Variants in MAP7 observed in about 807,000 individuals in gnomAD.
The protein encoded by MAP7 is ensconsin.
MAP7 carries 52 observed loss-of-function variants against 94.8 expected under a neutral mutation model. The ratio of observed to expected loss-of-function variants is 0.55; its 90% confidence interval spans 0.44 to 0.69. The LOEUF (loss-of-function observed/expected upper bound fraction) is 0.69. MAP7 is among the 30% of genes least tolerant of loss of function. The pLI, the probability that MAP7 is intolerant of heterozygous loss-of-function variation, is 0.00. For synonymous variants in MAP7, 350 were observed against 357.0 expected (o/e 0.98, Z 0.22); for missense variants, 940 against 964.6 (o/e 0.97, Z 0.34).
intron 16 of MAP7, among the ~76,000 whole-genome samples, chr6:136,349,822 C>T (rs1225308598): frequency 6.6e-6 from 1 of 152,056 alleles, no homozygotes; most frequent in Non-Finnish European, 1.5e-5. Flanking sequence ...CCAGGCGTCT[C>T]ACTCAGGAGT....
intron 16 of MAP7, among the ~76,000 whole-genome samples, chr6:136,353,020 G>A (rs1013082723): frequency 4.6e-5 from 7 of 152,184 alleles, no homozygotes; most frequent in Non-Finnish European, 4.4e-5. Context: ...ATCACAAACT[G>A]TGTGTCATAT....
chr6:136,482,951 T>C (rs1813370184), intron 1 of MAP7, among the ~76,000 whole-genome samples: 1 of 151,986 alleles, frequency 6.6e-6, no homozygotes, highest in South Asian at 2.1e-4. Flanking sequence ...GTATGCAGTG[T>C]CTATTTGATC....
Position 136,421,760 on chromosome 6 carries a change from G to C in MAP7, c.107C>G (p.Ser36Cys). 1 of 1,613,954 alleles carries C rather than the reference G, an allele frequency of 6.2e-7. No individual in the cohort carries two copies. Among genetic ancestry groups the C allele is most frequent in the Non-Finnish European group, 8.5e-7 (1 of 1,179,958 alleles). Residue 36 changes from serine to cysteine, a missense_variant, in exon 2 of 18, where the codon TCC becomes TGC. Transcript: ENST00000354570. ...TGAAATTGCAGAGGCAGGGCGGCTG[G>C]AGGCATTTTTCTTATCTTGCACTTT... The part of the protein sequence containing the change: ...SYKVQDKKNA[S>C]SRPASAISGQ...
chr6:136,464,794 C>G (rs567957923), intron 1 of MAP7, among the ~76,000 whole-genome samples: 1 of 152,320 alleles, frequency 6.6e-6, no homozygotes, highest in East Asian at 1.9e-4. Context: ...TAAGTGCCTA[C>G]TGGTTGCCAG....
At chr6:136,375,393 T>C (rs1775797741) in intron 7 of MAP7, among the ~76,000 whole-genome samples, 1 of 152,196 alleles carries the variant, frequency 6.6e-6, no homozygotes, top group African/African-American at 2.4e-5. Flanking sequence ...GCAGGGAGTT[T>C]GCAATCACTC....
At chr6:136,482,435 C>T (rs1813140627) in intron 1 of MAP7, among the ~76,000 whole-genome samples, 1 of 152,180 alleles carries the variant, frequency 6.6e-6, no homozygotes, top group Non-Finnish European at 1.5e-5. Flanking sequence ...CCCGTCTCTA[C>T]TAAAAATACA....
Position 136,456,822 on chromosome 6 carries a change from G to GAAGAAAGAA in MAP7, c.68-35024_68-35023insTTCTTTCTT, listed in dbSNP as rs1554259490. ...AGAAGAAGAAGAAGAAGAAGAAGAA[G>GAAGAAAGAA]GAAGAAGAAGAAGAAGAAGAAGAAG... On this transcript the variant is annotated intron_variant, in intron 1 of 17. Transcript: ENST00000354570. Among the ~76,000 whole-genome samples, 2 of 69,024 alleles carry GAAGAAAGAA rather than the reference G, an allele frequency of 2.9e-5. 1 individual carries two copies. The highest frequency in any genetic ancestry group is 5.3e-5 in the Non-Finnish European group (2 of 38,030). 45.3% of individuals were successfully genotyped at this position (69,024 alleles called of 152,430 possible).
chr6:136,464,036 A>T (rs1806115112), intron 1 of MAP7, among the ~76,000 whole-genome samples: 1 of 152,204 alleles, frequency 6.6e-6, no homozygotes, highest in Non-Finnish European at 1.5e-5. Context: ...GGCTGAGCAG[A>T]ACGTTGGCCT....
chr6:136,448,587 G>A (rs1051320101), intron 1 of MAP7, among the ~76,000 whole-genome samples: 3 of 151,856 alleles, frequency 2.0e-5, no homozygotes, highest in Non-Finnish European at 2.9e-5. Flanking sequence ...GTTAATTTTT[G>A]TATTTTTACT....
At chr6:136,413,496 C>G (rs1788172797) in intron 2 of MAP7, among the ~76,000 whole-genome samples, 1 of 151,050 alleles carries the variant, frequency 6.6e-6, no homozygotes, top group African/African-American at 2.4e-5. Flanking sequence ...TGCACTCCAG[C>G]CTGGGAGACA....
intron 1 of MAP7, among the ~76,000 whole-genome samples, chr6:136,472,535 CT>C (rs985796406): frequency 6.6e-6 from 1 of 152,058 alleles, no homozygotes; most frequent in African/African-American, 2.4e-5. Flanking sequence ...TTGATGTTTC[CT>C]TTTTGGTATA....
In MAP7 at chr6:136,449,017, A is replaced by AG. The variant is rs1254785326; in HGVS notation, c.68-27219_68-27218insC. Among the ~76,000 whole-genome samples the AG allele has an allele frequency of 9.6e-3, 956 of 100,076 alleles. 10 individuals are homozygous for AG. The highest frequency in any genetic ancestry group is 0.031 in the African/African-American group (879 of 27,954). 65.7% of individuals were successfully genotyped at this position (100,076 alleles called of 152,430 possible). On this transcript the variant is annotated intron_variant, in intron 1 of 17. Coordinates refer to ENST00000354570, the MANE Select transcript of MAP7 (RefSeq NM_003980.6). ...ACAGTGGTGTTAAAAAAAAAAAAAA[A>AG]AAAGAAGCAAGCCAGGCACAGTGGC...
intron 6 of MAP7, among the ~76,000 whole-genome samples, chr6:136,381,388 AG>A (rs1315315852): frequency 6.6e-6 from 1 of 152,016 alleles, no homozygotes; most frequent in African/African-American, 2.4e-5. Context: ...GATGGTGCCC[AG>A]GCTGGTCTCA....
At chr6:136,406,041 A>G (rs1785491322) in intron 3 of MAP7, among the ~76,000 whole-genome samples, 1 of 152,204 alleles carries the variant, frequency 6.6e-6, no homozygotes, top group Admixed American at 6.5e-5. Context: ...AATACATAAA[A>G]TCACACAAAA....
intron 1 of MAP7, among the ~76,000 whole-genome samples, chr6:136,502,606 C>G (rs893012470): frequency 1.3e-5 from 2 of 152,150 alleles, no homozygotes; most frequent in Non-Finnish European, 2.9e-5. Flanking sequence ...GTGAGCACAT[C>G]AGATACCCCT....
intron 6 of MAP7, among the ~76,000 whole-genome samples, chr6:136,380,814 C>T (rs1043801266): frequency 1.3e-5 from 2 of 152,210 alleles, no homozygotes; most frequent in South Asian, 2.1e-4. Flanking sequence ...GGCACAGACA[C>T]TACACTAATG....
chr6:136,426,959 TA>T, intron 1 of MAP7, among the ~76,000 whole-genome samples: 1 of 152,116 alleles, frequency 6.6e-6, no homozygotes, highest in African/African-American at 2.4e-5. Flanking sequence ...AAGAAAACAA[TA>T]AAAGGAAATC....
chr6:136,452,698 G>C (rs778401002), intron 1 of MAP7, among the ~76,000 whole-genome samples: 21 of 151,992 alleles, frequency 1.4e-4, no homozygotes, highest in Non-Finnish European at 2.5e-4. Context: ...GATTACAGGT[G>C]CACACCACCA....
At chr6:136,389,330 T>C in intron 4 of MAP7, 24 bp downstream of exon 4, 1 of 1,519,522 alleles carries the variant, frequency 6.6e-7, no homozygotes, top group Non-Finnish European at 8.8e-7. Context: ...GAGCCACTCA[T>C]ATTCTTCCCG....
Sources: gnomAD v4.1 joint callset for allele counts (sites outside exome capture counted in the v4.1 genomes callset) on GRCh38, gnomAD v4.1.1 for gene constraint, MANE v1.5 for transcripts, NCBI Gene and HGNC (gene_info 2026-07-23, HGNC 2026-07-21) for gene names.